Variants in CTNNA1 observed in about 807,000 individuals in gnomAD.
CTNNA1 encodes catenin alpha-1.
Under a neutral mutation model 98.4 loss-of-function variants are expected in CTNNA1, and 37 were observed. The ratio of observed to expected loss-of-function variants is 0.38; its 90% confidence interval spans 0.29 to 0.49. The LOEUF (loss-of-function observed/expected upper bound fraction) is 0.49, where lower values mean the gene tolerates loss of function less well. Ranked by LOEUF, CTNNA1 falls within the 20% of genes least tolerant of loss-of-function variation. The pLI, the probability that CTNNA1 is intolerant of heterozygous loss-of-function variation, is 0.95. For synonymous variants in CTNNA1, 404 were observed against 413.2 expected (o/e 0.98, Z 0.27); for missense variants, 761 against 1,147.2 (o/e 0.66, Z 4.86).
At chr5:138,923,474 A>G (rs1321621806) in intron 11 of CTNNA1, among the ~76,000 whole-genome samples, 2 of 152,138 alleles carry the variant, frequency 1.3e-5, no homozygotes, top group Non-Finnish European at 2.9e-5. Flanking sequence ...CCCTTCTCTA[A>G]TAAGAATTCT....
At position 138,874,288 on chromosome 5, in the gene CTNNA1, G is replaced by T. The variant is rs746671869; in HGVS notation, c.1063-11924G>T. The T allele has an allele frequency of 6.2e-7, 1 of 1,614,026 alleles. No homozygotes were observed. Among genetic ancestry groups the T allele is most frequent in the Admixed American group, 1.7e-5 (1 of 60,026 alleles). Reference sequence around the variant, plus strand: ...CTGTTGAAATTTGATTGTGATCTAAGTGGAGCCAAGTAAGTTGACTGAAGC... The same window carrying T: ...CTGTTGAAATTTGATTGTGATCTAATTGGAGCCAAGTAAGTTGACTGAAGC... On this transcript the variant is annotated intron_variant, in intron 7 of 17. Transcript: ENST00000302763. The surrounding 1 kb of genome is among the most constrained non-coding windows in gnomAD (Gnocchi z 4.1).
intron 1 of CTNNA1, among the ~76,000 whole-genome samples, chr5:138,767,881 T>C (rs1753111650): frequency 1.3e-5 from 2 of 152,142 alleles, no homozygotes; most frequent in African/African-American, 4.8e-5. Flanking sequence ...CAGTAACATG[T>C]AATACCTTTT....
chr5:138,918,664 G>C (rs1245938992), intron 11 of CTNNA1, among the ~76,000 whole-genome samples: 2 of 152,202 alleles, frequency 1.3e-5, no homozygotes, highest in African/African-American at 4.8e-5. Flanking sequence ...TTATCACACA[G>C]AGATAAATTT....
chr5:138,766,141 T>TAC (rs35034978), intron 1 of CTNNA1, among the ~76,000 whole-genome samples: 3 of 152,076 alleles, frequency 2.0e-5, no homozygotes, highest in African/African-American at 7.2e-5. Context: ...GAGACACACA[T>TAC]ACACACACAC....
At chr5:138,826,299 A>G (rs933392752) in intron 6 of CTNNA1, among the ~76,000 whole-genome samples, 6 of 152,220 alleles carry the variant, frequency 3.9e-5, no homozygotes, top group Non-Finnish European at 8.8e-5. Flanking sequence ...AAAATTTGGC[A>G]TTTAAGTTGA....
chr5:138,787,587 C>T (rs1755851545), intron 3 of CTNNA1, among the ~76,000 whole-genome samples: 1 of 152,132 alleles, frequency 6.6e-6, no homozygotes, highest in Non-Finnish European at 1.5e-5. Context: ...AGGGTTTTCC[C>T]AGGCTGTTAA....
At chr5:138,813,633 AT>A (rs903636865) in intron 5 of CTNNA1, among the ~76,000 whole-genome samples, 1 of 152,012 alleles carries the variant, frequency 6.6e-6, no homozygotes, top group African/African-American at 2.4e-5. Context: ...ACATAAAAAA[AT>A]TTTTTTTGAG....
At chr5:138,760,467 C>T (rs886115809) in intron 1 of CTNNA1, among the ~76,000 whole-genome samples, 3 of 148,684 alleles carry the variant, frequency 2.0e-5, no homozygotes, top group South Asian at 2.1e-4. Context: ...AAGCTCAAAA[C>T]GATTCTCCTG....
At chr5:138,809,064 A>C (rs973320485) in intron 3 of CTNNA1, among the ~76,000 whole-genome samples, 5 of 152,210 alleles carry the variant, frequency 3.3e-5, no homozygotes, top group African/African-American at 9.6e-5. Context: ...GGCTCACTGC[A>C]ACCTCAAACA....
At chr5:138,785,466 C>T (rs1416655681) in intron 3 of CTNNA1, among the ~76,000 whole-genome samples, 5 of 152,194 alleles carry the variant, frequency 3.3e-5, no homozygotes, top group African/African-American at 7.2e-5. Flanking sequence ...ACATTCTCCT[C>T]CCCAGCCCTT....
chr5:138,853,891 G>A (rs536359140), intron 7 of CTNNA1, among the ~76,000 whole-genome samples: 1 of 152,184 alleles, frequency 6.6e-6, no homozygotes, highest in Non-Finnish European at 1.5e-5. Context: ...TGTCATGGGT[G>A]ATAATAAATT....
rs1239025258 is a variant in CTNNA1, at chr5:138,779,707, G to GTT, written c.-2-2208_-2-2207dup. ...AAATACTTGGGCACTGATAACACTG[G>GTT]TTTTTTTTTGTTTTTGTTTTTTTTT... On this transcript the variant is annotated intron_variant, in intron 1 of 17. Coordinates refer to ENST00000302763, the MANE Select transcript of CTNNA1 (RefSeq NM_001903.5). 4.3e-4 allele frequency among the ~76,000 whole-genome samples: 29 copies of GTT among 68,010 alleles called. 2 individuals carry two copies. The highest frequency in any genetic ancestry group is 1.5e-3 in the African/African-American group (25 of 16,834). 44.6% of individuals were successfully genotyped at this position (68,010 alleles called of 152,430 possible). A position where few individuals can be genotyped will look rare whatever the true frequency, so the allele number is the denominator to read the frequency against.
In CTNNA1 at chr5:138,873,128, A is replaced by G. The variant is rs201500943; in HGVS notation, c.1063-13084A>G. On this transcript the variant is annotated intron_variant, in intron 7 of 17. Coordinates refer to ENST00000302763, the MANE Select transcript of CTNNA1 (RefSeq NM_001903.5). The surrounding 1 kb of genome is among the most constrained non-coding windows in gnomAD (Gnocchi z 6.1). ...TTCATTATACGGTCCTTGGTCTGAC[A>G]TGTTTGACATATGGAGTCGTGTTTG... 6.2e-7 allele frequency: 1 copy of G among 1,613,974 alleles called. No homozygotes were observed. Among genetic ancestry groups the G allele is most frequent in the Non-Finnish European group, 8.5e-7 (1 of 1,179,876 alleles).
At chr5:138,877,023 T>C (rs1751724067) in intron 7 of CTNNA1, among the ~76,000 whole-genome samples, 1 of 151,936 alleles carries the variant, frequency 6.6e-6, no homozygotes, top group Non-Finnish European at 1.5e-5. Context: ...GCAAAGAAGA[T>C]GAGATTGGCA....
intron 10 of CTNNA1, among the ~76,000 whole-genome samples, chr5:138,915,137 A>T (rs951247913): frequency 6.6e-6 from 1 of 152,038 alleles, no homozygotes; most frequent in Non-Finnish European, 1.5e-5. Flanking sequence ...ACAGAGGGAC[A>T]CTCTGTCTCT....
intron 7 of CTNNA1, among the ~76,000 whole-genome samples, chr5:138,859,886 C>G (rs991249175): frequency 6.6e-6 from 1 of 152,130 alleles, no homozygotes; most frequent in African/African-American, 2.4e-5. Flanking sequence ...CCAGTCTGGG[C>G]AACAGAGCAA....
At chr5:138,781,264 C>CTTTT (rs1430758698) in intron 1 of CTNNA1, among the ~76,000 whole-genome samples, 1 of 152,048 alleles carries the variant, frequency 6.6e-6, no homozygotes, top group Admixed American at 6.6e-5. Flanking sequence ...TTGAAAGTAG[C>CTTTT]TTTTGGCCGG....
chr5:138,878,763 T>C (rs1017589936), intron 7 of CTNNA1, among the ~76,000 whole-genome samples: 2 of 152,218 alleles, frequency 1.3e-5, no homozygotes, highest in Non-Finnish European at 2.9e-5. Context: ...GAGAGGGAGC[T>C]TTATATTTGC....
intron 11 of CTNNA1, 54 bp from the exon 12 acceptor site, chr5:138,924,456 C>G: frequency 6.3e-7 from 1 of 1,577,378 alleles, no homozygotes; most frequent in Non-Finnish European, 8.7e-7. Context: ...CTTACAGTTG[C>G]CACCTTTTCA....
Sources: allele counts gnomAD v4.1 joint callset (sites outside exome capture counted in the v4.1 genomes callset), GRCh38; gene constraint gnomAD v4.1.1; non-coding constraint Gnocchi (gnomAD v3.1); transcripts MANE v1.5; gene names NCBI Gene and HGNC (gene_info 2026-07-23, HGNC 2026-07-21).